Variants in EHD2 observed in about 807,000 individuals in gnomAD.
The protein encoded by EHD2 is EH domain-containing protein 2.
Under a neutral mutation model 41.0 loss-of-function variants are expected in EHD2, and 27 were observed. The ratio of observed to expected loss-of-function variants is 0.66; its 90% CI spans 0.49 to 0.91. EHD2 has a LOEUF of 0.91. Among genes scored for constraint, EHD2 ranks in the 40% least tolerant of loss-of-function variants. The probability of loss-of-function intolerance (pLI) is 0.00; values close to 1 mark genes in which losing one functional copy is unlikely to be tolerated. For synonymous variants in EHD2, 342 were observed against 341.0 expected, an observed-to-expected ratio of 1.00 and a Z score of -0.03; for missense variants, 673 against 773.9, an observed-to-expected ratio of 0.87 and a Z score of 1.55.
At chr19:47,715,038 CAAAT>C (rs60976490) in intron 1 of EHD2, among the ~76,000 whole-genome samples, 47,390 of 138,574 alleles carry the variant, frequency 0.34, 8,282 homozygotes, top group African/African-American at 0.45. Flanking sequence ...ACTCCATCTC[CAAAT>C]AAATAAATAA....
At chr19:47,738,804 G>A (rs1250522397) in intron 5 of EHD2, among the ~76,000 whole-genome samples, 1 of 152,150 alleles carries the variant, frequency 6.6e-6, no homozygotes, top group Non-Finnish European at 1.5e-5. Flanking sequence ...TCTCTGCCTT[G>A]GCTCAGGAAA....
At chr19:47,727,484 C>T (rs1477332884) in intron 4 of EHD2, among the ~76,000 whole-genome samples, 1 of 151,998 alleles carries the variant, frequency 6.6e-6, no homozygotes, top group African/African-American at 2.4e-5. Context: ...TCCTGGGGCT[C>T]ATCTTTTTTT....
intron 1 of EHD2, among the ~76,000 whole-genome samples, chr19:47,713,849 C>T (rs1274522623): frequency 2.6e-5 from 4 of 151,968 alleles, no homozygotes; most frequent in Non-Finnish European, 4.4e-5. Flanking sequence ...GGGTCTCCCT[C>T]CACGCCCTCA....
At chr19:47,713,719 C>T (rs1973597588) in intron 1 of EHD2, among the ~76,000 whole-genome samples, 181 bp downstream of exon 1, 1 of 151,662 alleles carries the variant, frequency 6.6e-6, no homozygotes, top group African/African-American at 2.4e-5. Context: ...CTTCCCACTC[C>T]TCCCACTCTT....
Position 47,719,416 on chromosome 19 carries a change from G to A in EHD2, c.502+810G>A, listed in dbSNP as rs1973671115. Among the ~76,000 whole-genome samples, 1 of 152,120 alleles carries A rather than the reference G, an allele frequency of 6.6e-6. No individual in the cohort carries two copies. The highest frequency in any genetic ancestry group is 1.5e-5 in the Non-Finnish European group (1 of 68,006). ...CCAGGCCTGGAATTTATAAACAGCT[G>A]TGCAAGGAGAGTGGCGGGGGGTGGA... On this transcript the variant is annotated intron_variant, in intron 3 of 5. Transcript: ENST00000263277. This position sits in a 1 kb window ranked among gnomAD's most constrained non-coding sequence, Gnocchi z 4.1.
chr19:47,728,258 C>T (rs1237872330), intron 4 of EHD2, among the ~76,000 whole-genome samples: 1 of 152,042 alleles, frequency 6.6e-6, no homozygotes, highest in Non-Finnish European at 1.5e-5. Flanking sequence ...CTGCACTTCA[C>T]GCTGGTGGCC....
intron 3 of EHD2, among the ~76,000 whole-genome samples, chr19:47,722,215 C>T (rs1393501040): frequency 6.6e-6 from 1 of 152,132 alleles, no homozygotes; most frequent in Non-Finnish European, 1.5e-5. Flanking sequence ...CGTTGTGGGC[C>T]CAAGGTTCCT....
At chr19:47,715,061 A>ATAAATAAAT (rs1359935723) in intron 1 of EHD2, among the ~76,000 whole-genome samples, 1 of 151,498 alleles carries the variant, frequency 6.6e-6, no homozygotes, top group East Asian at 1.9e-4. Flanking sequence ...AAATAAATAA[A>ATAAATAAAT]TAAATAAATA....
Position 47,736,510 on chromosome 19 carries a change from T to C in EHD2, c.1057T>C (p.Phe353Leu), listed in dbSNP as rs754036473. The part of the protein sequence containing the change: ...QLEHHISPGD[F>L]PDCQKMQELL... ...GGAACATCACATCTCCCCTGGGGACTTTCCTGATTGCCAGAAAATGCAGGT... is the reference window on the plus strand; with the variant it reads ...GGAACATCACATCTCCCCTGGGGACCTTCCTGATTGCCAGAAAATGCAGGT... Residue 353 changes from phenylalanine (F) to leucine (L), a missense_variant, in exon 5 of 6, where the codon TTT becomes CTT. Phe to Leu is a conservative substitution (Grantham distance 22, BLOSUM62 0). Transcript: ENST00000263277. 3 of 1,592,774 alleles carry C rather than the reference T, an allele frequency of 1.9e-6. No individual in the cohort carries two copies. Among genetic ancestry groups the C allele is most frequent in the South Asian group, 1.1e-5 (1 of 87,722 alleles).
Position 47,716,965 on chromosome 19 carries a change from C to T in EHD2, c.353C>T (p.Pro118Leu), listed in dbSNP as rs144834998. The T allele has an allele frequency of 9.1e-5, 146 of 1,605,118 alleles. 1 individual carries two copies. Among genetic ancestry groups the T allele is most frequent in the Non-Finnish European group, 1.1e-4 (133 of 1,179,956 alleles). The change falls in exon 2 of 6, where the codon CCG (proline) becomes CTG (leucine). Residue 118 changes from proline to leucine, a missense_variant. Transcript: ENST00000263277. The part of the protein sequence containing the change: ...TVPGNALVVD[P>L]DKPFRKLNPF... ...CCCGGCAACGCCCTCGTCGTGGACC[C>T]GGACAAGCCCTTCCGCAAACTCAAC... is the stretch of plus-strand genomic sequence containing the variant.
intron 4 of EHD2, among the ~76,000 whole-genome samples, chr19:47,726,889 G>T (rs1485042815): frequency 1.3e-5 from 2 of 152,146 alleles, no homozygotes; most frequent in Non-Finnish European, 2.9e-5. Context: ...TGTTGCCCAG[G>T]CTGGTCTTGA....
intron 3 of EHD2, among the ~76,000 whole-genome samples, chr19:47,720,500 G>A (rs1973683862): frequency 6.6e-6 from 1 of 152,012 alleles, no homozygotes; most frequent in Non-Finnish European, 1.5e-5. Flanking sequence ...ACTCTGAAGG[G>A]CTGTGTAGGG....
rs767063664 is a variant in EHD2 at position 47,726,063 on chromosome 19, G to A, written c.754G>A (p.Val252Ile). ...GGTGGGCACGCCCGAGGTGCTGCGC[G>A]TCTACATCGGCTCCTTCTGGTCCCA... ...KVVGTPEVLR[V>I]YIGSFWSQPL... The change falls in exon 4 of 6, where the codon GTC becomes ATC. Residue 252 changes from valine to isoleucine, a missense_variant. By Grantham distance (29) the Val-to-Ile change is conservative. Coordinates refer to ENST00000263277, the MANE Select transcript of EHD2 (RefSeq NM_014601.4). 12 of 1,582,666 alleles carry A rather than the reference G, an allele frequency of 7.6e-6. No homozygotes were observed. Among genetic ancestry groups the A allele is most frequent in the Admixed American group, 5.5e-5 (3 of 54,316 alleles).
intron 3 of EHD2, among the ~76,000 whole-genome samples, chr19:47,722,009 AACACACACACAC>A (rs201572396): frequency 0.036 from 4,665 of 130,716 alleles, 205 homozygotes; most frequent in African/African-American, 0.11. Context: ...AGAAAAACAA[AACACACACACAC>A]ACACACACAC....
intron 3 of EHD2, among the ~76,000 whole-genome samples, chr19:47,722,690 C>T (rs1227127581): frequency 2.0e-5 from 3 of 152,016 alleles, no homozygotes; most frequent in Non-Finnish European, 4.4e-5. Context: ...CTCAGCCTCC[C>T]GAATAGCTGG....
intron 4 of EHD2, among the ~76,000 whole-genome samples, chr19:47,730,895 G>T (rs1378611111): frequency 1.3e-5 from 2 of 152,162 alleles, no homozygotes; most frequent in African/African-American, 4.8e-5. Flanking sequence ...TGGGGATACA[G>T]CAGGGAACAC....
At chr19:47,727,355 C>T (rs903903111) in intron 4 of EHD2, among the ~76,000 whole-genome samples, 5 of 152,076 alleles carry the variant, frequency 3.3e-5, no homozygotes, top group African/African-American at 9.7e-5. Context: ...CCTTGGCCTC[C>T]CAAAGTGCTG....
chr19:47,726,114 C>T lies in EHD2; in HGVS notation c.805C>T (p.Arg269Cys), dbSNP rs757175078. 6.3e-7 allele frequency: 1 copy of T among 1,575,060 alleles called. No homozygotes were observed. The highest frequency in any genetic ancestry group is 1.2e-5 in the South Asian group (1 of 86,684). ...SQPLLVPDNR[R>C]LFELEEQDLF... ...GCCCCTCCTCGTGCCCGACAACCGG[C>T]GCCTCTTCGAGCTGGAGGAGCAGGA... Residue 269 changes from arginine to cysteine, a missense_variant, in exon 4 of 6, where the codon CGC (arginine) becomes TGC (cysteine). By Grantham distance (180) the Arg-to-Cys change is radical (BLOSUM62 -3). Transcript: ENST00000263277.
chr19:47,726,062 C>T lies in EHD2; in HGVS notation c.753C>T (p.Arg251=), dbSNP rs533522326. The T allele has an allele frequency of 3.8e-6, 6 of 1,582,976 alleles. No homozygotes were observed. In the East Asian group the frequency reaches 7.0e-5, roughly 18 times the overall value. ...GKVVGTPEVL[R]VYIGSFWSQP... is the part of the protein sequence containing the mutation. ...TGGTGGGCACGCCCGAGGTGCTGCG[C>T]GTCTACATCGGCTCCTTCTGGTCCC... The change falls in exon 4 of 6, where the codon CGC becomes CGT. Residue 251 remains arginine, a synonymous_variant. Coordinates refer to ENST00000263277, the MANE Select transcript of EHD2 (RefSeq NM_014601.4).
Sources: gnomAD v4.1 joint callset for allele counts (sites outside exome capture counted in the v4.1 genomes callset) on GRCh38, gnomAD v4.1.1 for gene constraint, Gnocchi (gnomAD v3.1) non-coding constraint, MANE v1.5 for transcripts, NCBI Gene and HGNC (gene_info 2026-07-23, HGNC 2026-07-21) for gene names.